Variants in DOCK1 observed in about 807,000 individuals in gnomAD.
DOCK1 encodes dedicator of cytokinesis protein 1.
DOCK1 carries 138 observed loss-of-function variants against 262.7 expected under a neutral mutation model. That is an observed-to-expected ratio of 0.53 (90% CI 0.46 to 0.61). The LOEUF (loss-of-function observed/expected upper bound fraction) is 0.61, where lower values mean the gene tolerates loss of function less well. DOCK1 is among the 20% of genes least tolerant of loss of function. The pLI is 0.00. For synonymous variants in DOCK1, 866 were observed against 867.4 expected, an observed-to-expected ratio of 1.00 and a Z score of 0.03; for missense variants, 1,908 against 2,370.7, an observed-to-expected ratio of 0.80 and a Z score of 4.05.
chr10:127,249,199 T>C (rs1300845748), intron 28 of DOCK1, among the ~76,000 whole-genome samples: 1 of 152,078 alleles, frequency 6.6e-6, no homozygotes, highest in African/African-American at 2.4e-5. Flanking sequence ...AAGAGAATGA[T>C]CTGTATGAGT....
intron 13 of DOCK1, among the ~76,000 whole-genome samples, chr10:127,020,765 CAGAG>C (rs150984194): frequency 6.6e-6 from 1 of 151,038 alleles, no homozygotes; most frequent in African/African-American, 2.4e-5. Flanking sequence ...CTGTGGGCAC[CAGAG>C]AGAGAGAGAG....
intron 46 of DOCK1, among the ~76,000 whole-genome samples, chr10:127,422,131 C>T (rs578085413): frequency 2.0e-5 from 3 of 151,484 alleles, no homozygotes; most frequent in Admixed American, 1.3e-4. Flanking sequence ...TCTCTGCACC[C>T]CCAACAAGAC....
At chr10:127,323,152 G>T (rs556733687) in intron 29 of DOCK1, among the ~76,000 whole-genome samples, 2 of 152,158 alleles carry the variant, frequency 1.3e-5, no homozygotes, top group African/African-American at 2.4e-5. Flanking sequence ...GGTGTTCATC[G>T]CTTCCCTCTC....
intron 24 of DOCK1, among the ~76,000 whole-genome samples, chr10:127,109,150 C>T (rs2048718311): frequency 2.0e-5 from 3 of 152,152 alleles, no homozygotes; most frequent in Admixed American, 1.3e-4. Context: ...TTTATCTACT[C>T]GTCCCCCTCC....
chr10:127,198,561 C>T (rs2057316790), intron 27 of DOCK1, among the ~76,000 whole-genome samples: 1 of 152,124 alleles, frequency 6.6e-6, no homozygotes, highest in Admixed American at 6.5e-5. Flanking sequence ...ATCTGAGATT[C>T]GCATGATGTA....
intron 5 of DOCK1, among the ~76,000 whole-genome samples, chr10:126,989,993 T>C (rs1286573628): frequency 6.6e-6 from 1 of 151,850 alleles, no homozygotes; most frequent in Non-Finnish European, 1.5e-5. Context: ...GGCCGAGGAG[T>C]TCAGGTTCTC....
intron 38 of DOCK1, among the ~76,000 whole-genome samples, chr10:127,388,867 A>G (rs2066293386): frequency 1.9e-5 from 1 of 53,580 alleles, no homozygotes; most frequent in Non-Finnish European, 3.6e-5. Context: ...CTTGTTAGAC[A>G]GGTGAGTCTA....
At chr10:127,294,931 C>T (rs969934945) in intron 29 of DOCK1, among the ~76,000 whole-genome samples, 4 of 152,164 alleles carry the variant, frequency 2.6e-5, no homozygotes, top group Non-Finnish European at 5.9e-5. Context: ...CGTGAGCCAC[C>T]ACACCTGGCC....
chr10:127,377,791 C>G (rs1032404726), intron 35 of DOCK1, among the ~76,000 whole-genome samples: 5 of 149,512 alleles, frequency 3.3e-5, no homozygotes, highest in Admixed American at 6.8e-5. Flanking sequence ...ACTCGGGAGG[C>G]TGAGGCAACA....
chr10:127,172,466 A>G (rs1246790379), intron 27 of DOCK1, among the ~76,000 whole-genome samples: 1 of 152,184 alleles, frequency 6.6e-6, no homozygotes, highest in East Asian at 1.9e-4. Context: ...CTTGCATCTT[A>G]TCTGCCTGTC....
rs375103978 is a variant in DOCK1 at position 127,275,253 on chromosome 10, GA to G, written c.3044+17835del. On this transcript the variant is annotated intron_variant, in intron 29 of 51. Coordinates refer to ENST00000623213, the MANE Select transcript of DOCK1 (RefSeq NM_001290223.2). The stretch of plus-strand genomic sequence containing the variant: ...CAAGAGCAGGAGTCAGTAATAGGAA[GA>G]AAAAAAAAAACACAGGAGAGAGAAG... Among the ~76,000 whole-genome samples, 419 of 143,666 alleles carry G rather than the reference GA, an allele frequency of 2.9e-3. 2 individuals are homozygous for G. The highest frequency in any genetic ancestry group is 9.1e-3 in the African/African-American group (356 of 39,282). 94.3% of individuals were successfully genotyped at this position (143,666 alleles called of 152,430 possible).
At chr10:127,284,713 C>T (rs1308360489) in intron 29 of DOCK1, among the ~76,000 whole-genome samples, 1 of 152,214 alleles carries the variant, frequency 6.6e-6, no homozygotes, top group Non-Finnish European at 1.5e-5. Context: ...TATCATGTCA[C>T]TGCACTCCAG....
intron 1 of DOCK1, among the ~76,000 whole-genome samples, chr10:126,906,955 G>T (rs1194206579): frequency 6.6e-6 from 1 of 152,126 alleles, no homozygotes; most frequent in Non-Finnish European, 1.5e-5. Context: ...CATTATGACT[G>T]AGCTTCCTCC....
chr10:127,273,264 C>G (rs1012094025), intron 29 of DOCK1, among the ~76,000 whole-genome samples: 2 of 152,188 alleles, frequency 1.3e-5, no homozygotes, highest in Admixed American at 1.3e-4. Flanking sequence ...ATAAATACCT[C>G]CCACTTTGGT....
At chr10:127,226,079 C>CA (rs58963480) in intron 27 of DOCK1, among the ~76,000 whole-genome samples, 17,600 of 94,438 alleles carry the variant, frequency 0.19, 1,446 homozygotes, top group African/African-American at 0.29. Flanking sequence ...GACTCTGTCT[C>CA]AAAAAAAAAA....
At chr10:127,058,560 C>T (rs1265260535) in intron 22 of DOCK1, among the ~76,000 whole-genome samples, 1 of 151,834 alleles carries the variant, frequency 6.6e-6, no homozygotes, top group Admixed American at 6.6e-5. Flanking sequence ...TTCCCTTCCC[C>T]ATCTGTATTA....
intron 28 of DOCK1, among the ~76,000 whole-genome samples, chr10:127,254,607 G>A (rs1008036568): frequency 6.6e-6 from 1 of 152,158 alleles, no homozygotes; most frequent in Non-Finnish European, 1.5e-5. Flanking sequence ...TCCTACCTTT[G>A]CAATTGTCAG....
chr10:127,394,201 G>C (rs1223598580), intron 38 of DOCK1, among the ~76,000 whole-genome samples: 1 of 152,116 alleles, frequency 6.6e-6, no homozygotes, highest in Non-Finnish European at 1.5e-5. Context: ...CTGAAATCAA[G>C]AAACAGCCTG....
chr10:127,334,559 A>T (rs2063116043), intron 29 of DOCK1, among the ~76,000 whole-genome samples: 1 of 152,212 alleles, frequency 6.6e-6, no homozygotes, highest in African/African-American at 2.4e-5. Context: ...ATTTCTCTCC[A>T]TTGAGCCATT....
Sources: gnomAD v4.1 joint callset for allele counts (sites outside exome capture counted in the v4.1 genomes callset) on GRCh38, gnomAD v4.1.1 for gene constraint, MANE v1.5 for transcripts, NCBI Gene and HGNC (gene_info 2026-07-23, HGNC 2026-07-21) for gene names.